Variants in MAGI1 observed in about 807,000 individuals in gnomAD.
MAGI1 encodes membrane-associated guanylate kinase, WW and PDZ domain-containing protein 1.
MAGI1 carries 58 observed loss-of-function variants against 139.9 expected under a neutral mutation model. The observed-to-expected ratio is 0.41, with a 90% confidence interval of 0.34 to 0.52. The LOEUF (loss-of-function observed/expected upper bound fraction) is 0.52. MAGI1 is among the 20% of genes least tolerant of loss of function. The probability of loss-of-function intolerance (pLI) is 0.12; values close to 1 mark genes in which losing one functional copy is unlikely to be tolerated. For synonymous variants in MAGI1, 812 were observed against 737.9 expected, an observed-to-expected ratio of 1.10 and a Z score of -1.63; for missense variants, 1,874 against 1,901.6, an observed-to-expected ratio of 0.99 and a Z score of 0.27.
intron 2 of MAGI1, among the ~76,000 whole-genome samples, chr3:65,614,997 G>A (rs1317263396): frequency 6.6e-6 from 1 of 151,010 alleles, no homozygotes; most frequent in African/African-American, 2.4e-5. Context: ...ACCCCAGCCT[G>A]GGAGACAGAG....
chr3:65,852,904 G>A (rs1045573140), intron 1 of MAGI1, among the ~76,000 whole-genome samples: 1 of 151,696 alleles, frequency 6.6e-6, no homozygotes, highest in South Asian at 2.1e-4. Context: ...CGGAAGCCGA[G>A]GTGGGCAGAT....
chr3:65,542,132 CAAAG>C (rs2079262338), intron 2 of MAGI1, among the ~76,000 whole-genome samples: 1 of 151,906 alleles, frequency 6.6e-6, no homozygotes, highest in African/African-American at 2.4e-5. Context: ...CAATAATAGA[CAAAG>C]AGAGCCAAAT....
chr3:65,477,043 G>C (rs574549769), intron 4 of MAGI1, among the ~76,000 whole-genome samples: 4 of 152,246 alleles, frequency 2.6e-5, no homozygotes, highest in Non-Finnish European at 5.9e-5. Flanking sequence ...CAATCCTAGC[G>C]AGTCATTTTA....
intron 2 of MAGI1, among the ~76,000 whole-genome samples, chr3:65,586,208 TA>T (rs1289026194): frequency 1.1e-3 from 159 of 139,348 alleles, no homozygotes; most frequent in Middle Eastern, 3.7e-3. Context: ...AGACCCTGTC[TA>T]AAAAAAAAAA....
intron 1 of MAGI1, among the ~76,000 whole-genome samples, chr3:65,802,848 CTGTGTGTGTG>C (rs55814110): frequency 3.4e-4 from 47 of 138,220 alleles, no homozygotes; most frequent in South Asian, 1.0e-3. Flanking sequence ...ATCATCTCAT[CTGTGTGTGTG>C]TGTGTGTGTG....
chr3:65,609,579 T>C (rs1559716945), intron 2 of MAGI1, among the ~76,000 whole-genome samples: 2 of 151,360 alleles, frequency 1.3e-5, no homozygotes, highest in South Asian at 4.2e-4. Flanking sequence ...GGGTTTTTTT[T>C]GTTTTTTGTT....
At chr3:65,710,269 CTTTTTTTTTTT>C (rs1175790063) in intron 1 of MAGI1, among the ~76,000 whole-genome samples, 11 of 66,906 alleles carry the variant, frequency 1.6e-4, no homozygotes, top group Admixed American at 3.7e-4. Context: ...CCTTACATTT[CTTTTTTTTTTT>C]TTTTTTTTTT....
intron 1 of MAGI1, among the ~76,000 whole-genome samples, chr3:65,973,069 G>A (rs948399974): frequency 6.6e-6 from 1 of 152,072 alleles, no homozygotes; most frequent in African/African-American, 2.4e-5. Flanking sequence ...ATGATCACTT[G>A]GGCCCAGGAG....
intron 4 of MAGI1, 30 bp from the exon 5 acceptor site, chr3:65,470,514 A>T: frequency 7.1e-7 from 1 of 1,404,870 alleles, no homozygotes; most frequent in Non-Finnish European, 9.7e-7. Context: ...GGTGAGAGAG[A>T]GAGAGAGAGA....
chr3:65,624,394 A>G (rs1249791989), intron 1 of MAGI1, among the ~76,000 whole-genome samples: 2 of 152,220 alleles, frequency 1.3e-5, no homozygotes, highest in African/African-American at 4.8e-5. Flanking sequence ...AAGGTGAATG[A>G]ATAAGCAAAC....
At chr3:65,972,654 G>C (rs763689319) in intron 1 of MAGI1, among the ~76,000 whole-genome samples, 24 of 152,214 alleles carry the variant, frequency 1.6e-4, no homozygotes, top group Non-Finnish European at 3.2e-4. Context: ...GACTGGGTGA[G>C]ATCAGCTGCT....
intron 1 of MAGI1, among the ~76,000 whole-genome samples, chr3:66,035,120 C>T (rs891151669): frequency 6.6e-6 from 1 of 152,158 alleles, no homozygotes; most frequent in Non-Finnish European, 1.5e-5. Context: ...CTGTCTTCCC[C>T]ACTTAAAATG....
At chr3:65,770,138 G>A (rs2037830045) in intron 1 of MAGI1, among the ~76,000 whole-genome samples, 1 of 152,150 alleles carries the variant, frequency 6.6e-6, no homozygotes, top group South Asian at 2.1e-4. Flanking sequence ...TGCTCTGTCT[G>A]CTTACCATGA....
chr3:65,857,607 G>C (rs1436568996), intron 1 of MAGI1, among the ~76,000 whole-genome samples: 1 of 152,180 alleles, frequency 6.6e-6, no homozygotes, highest in Non-Finnish European at 1.5e-5. Flanking sequence ...ATCGTAGAAA[G>C]CTGGTCAGCA....
At chr3:66,028,344 T>C (rs919551118) in intron 1 of MAGI1, among the ~76,000 whole-genome samples, 2 of 152,156 alleles carry the variant, frequency 1.3e-5, no homozygotes, top group African/African-American at 4.8e-5. Context: ...AAGTTTTACA[T>C]ACATTATCTC....
At chr3:65,739,986 A>G (rs2035115404) in intron 1 of MAGI1, among the ~76,000 whole-genome samples, 1 of 54,078 alleles carries the variant, frequency 1.8e-5, no homozygotes, top group African/African-American at 6.5e-5. Context: ...GTTGCCACAA[A>G]CCTTCAAGTT....
chr3:65,392,200 G>A (rs1943979168), intron 13 of MAGI1, among the ~76,000 whole-genome samples: 1 of 152,268 alleles, frequency 6.6e-6, no homozygotes, highest in East Asian at 1.9e-4. Flanking sequence ...GCTCAGCAAA[G>A]ACCCTTCTCA....
intron 1 of MAGI1, among the ~76,000 whole-genome samples, chr3:65,880,437 G>A (rs1174429920): frequency 6.6e-6 from 1 of 152,082 alleles, no homozygotes; most frequent in Non-Finnish European, 1.5e-5. Flanking sequence ...TCCCCTGTCA[G>A]GAAGGACTCC....
At chr3:65,752,889 T>C (rs2036265544) in intron 1 of MAGI1, among the ~76,000 whole-genome samples, 1 of 152,186 alleles carries the variant, frequency 6.6e-6, no homozygotes, top group African/African-American at 2.4e-5. Flanking sequence ...TCTTAGTCAT[T>C]TTCCACCCAC....
Sources: gnomAD v4.1 joint callset for allele counts (sites outside exome capture counted in the v4.1 genomes callset) on GRCh38, gnomAD v4.1.1 for gene constraint, MANE v1.5 for transcripts, NCBI Gene and HGNC (gene_info 2026-07-23, HGNC 2026-07-21) for gene names.